The following SLFN12L variants were observed in gnomAD, a reference collection of about 807,000 sequenced individuals.
SLFN12L encodes the protein schlafen family member 12 like.
Under a neutral mutation model 34.8 loss-of-function variants are expected in SLFN12L, and 34 were observed. That is an observed-to-expected ratio of 0.98 (90% confidence interval 0.74 to 1.30). The LOEUF (loss-of-function observed/expected upper bound fraction) is 1.30, where lower values mean the gene tolerates loss of function less well. SLFN12L is among the 50% of genes most tolerant of loss of function. SLFN12L has a pLI of 0.00. For missense variants in SLFN12L, 703 were observed against 696.2 expected, an observed-to-expected ratio of 1.01 and a Z score of -0.11; for synonymous variants, 259 against 247.5, an observed-to-expected ratio of 1.05 and a Z score of -0.44.
At chr17:35,492,212 G>A (rs543863318) in intron 2 of SLFN12L, among the ~76,000 whole-genome samples, 2 of 152,298 alleles carry the variant, frequency 1.3e-5, no homozygotes, top group South Asian at 4.1e-4. Flanking sequence ...AGGTTTATCA[G>A]CTTCTGCAAG....
At chr17:35,535,983 GT>G (rs2072458274) in intron 1 of SLFN12L, among the ~76,000 whole-genome samples, 1 of 146,486 alleles carries the variant, frequency 6.8e-6, no homozygotes, top group African/African-American at 2.5e-5. Context: ...TTGTTTGTTT[GT>G]TTGTTTGTTT....
Position 35,530,512 on chromosome 17 carries a change from GAAAAGA to G in SLFN12L, c.-606+7055_-606+7060del, listed in dbSNP as rs1477169470. Among the ~76,000 whole-genome samples the G allele has an allele frequency of 5.1e-3, 170 of 33,224 alleles. 5 individuals are homozygous for G. Among genetic ancestry groups the G allele is most frequent in the African/African-American group, 0.014 (150 of 10,602 alleles). The allele number at this position is 33,224 out of a possible 152,430, so 21.8% of individuals were successfully genotyped here. A position where few individuals can be genotyped will look rare whatever the true frequency, so the allele number is the denominator to read the frequency against. Reference sequence around the variant, plus strand: ...AGAAAGAAAGAAAGAAAGAAAGAAAGAAAAGAAAAGAAAAGAAAAGAAAAGAAAAGA... The same window carrying G: ...AGAAAGAAAGAAAGAAAGAAAGAAAGAAAGAAAAGAAAAGAAAAGAAAAGA... On this transcript the variant is annotated intron_variant, in intron 1 of 4. Transcript: ENST00000628453.
chr17:35,508,115 TG>T (rs1171233065), intron 2 of SLFN12L, among the ~76,000 whole-genome samples: 1 of 152,248 alleles, frequency 6.6e-6, no homozygotes, highest in Admixed American at 6.5e-5. Context: ...TGAAAATCCC[TG>T]TCCTGTTCTG....
In SLFN12L at chr17:35,479,770, C is replaced by T. The variant is rs1201460034; in HGVS notation, c.512G>A (p.Arg171Lys). ...CATGACTTTTGCAGACGTTACATCTCTCTTGTACAAACTGGAGCTCAACGT... is the reference window on the plus strand; with the variant it reads ...CATGACTTTTGCAGACGTTACATCTTTCTTGTACAAACTGGAGCTCAACGT... Reference protein sequence around the residue: ...IATLSSSLYKRDVTSAKVMNA... With the variant: ...IATLSSSLYKKDVTSAKVMNA... The change falls in exon 3 of 5, where the codon AGA becomes AAA. Residue 171 changes from arginine (R) to lysine (K), a missense_variant. Arg to Lys is a conservative substitution (Grantham distance 26). Transcript: ENST00000628453. 6.2e-7 allele frequency: 1 copy of T among 1,613,922 alleles called. No individual in the cohort carries two copies. The highest frequency in any genetic ancestry group is 1.1e-5 in the South Asian group (1 of 91,034).
In SLFN12L at chr17:35,473,635, C is replaced by G. The variant is rs1008044017; in HGVS notation, c.*1288G>C. ...TTTCCTTTTTTTATTGTGTCCCTAC[C>G]AGGTTTTGGTATCAGGATGATACTG... is the stretch of plus-strand genomic sequence containing the variant. On this transcript the variant is annotated 3_prime_UTR_variant, in exon 5 of 5. Coordinates refer to ENST00000628453, the MANE Select transcript of SLFN12L (RefSeq NM_001363830.2). The G allele has an allele frequency of 2.6e-5, 4 of 152,020 alleles. 1 individual carries two copies. In the South Asian group the frequency reaches 8.3e-4, roughly 32 times the overall value. The allele number at this position is 152,020 out of a possible 1,614,324, so 9.4% of individuals were successfully genotyped here.
chr17:35,531,227 C>T (rs1003553961), intron 1 of SLFN12L, among the ~76,000 whole-genome samples: 1 of 152,102 alleles, frequency 6.6e-6, no homozygotes, highest in Non-Finnish European at 1.5e-5. Context: ...GGTTTTCCAT[C>T]TTTTTAGACA....
chr17:35,487,814 T>G, intron 2 of SLFN12L: 1 of 1,470,752 alleles, frequency 6.8e-7, no homozygotes, highest in Non-Finnish European at 9.2e-7. Flanking sequence ...CGTGTGCGGC[T>G]AGCCCCTCGC....
chr17:35,482,509 C>G (rs1175301864), intron 2 of SLFN12L, among the ~76,000 whole-genome samples: 4 of 152,110 alleles, frequency 2.6e-5, no homozygotes, highest in East Asian at 1.9e-4. Flanking sequence ...GCCTCCCGCT[C>G]TCTGCAGCAT....
intron 2 of SLFN12L, among the ~76,000 whole-genome samples, chr17:35,484,469 C>G (rs540996070): frequency 4.5e-4 from 69 of 152,280 alleles, no homozygotes; most frequent in African/African-American, 1.7e-3. Context: ...CTGGAATGCC[C>G]TCCTTGAAAT....
intron 2 of SLFN12L, chr17:35,500,387 A>G (rs1403294161): frequency 6.6e-6 from 1 of 152,254 alleles, no homozygotes; most frequent in African/African-American, 2.4e-5. Context: ...CAGAAATGAA[A>G]TCCACAGGCA....
chr17:35,498,707 G>GT, intron 2 of SLFN12L: 1 of 1,550,466 alleles, frequency 6.4e-7, no homozygotes, highest in South Asian at 1.2e-5. Context: ...ACAATTACGT[G>GT]GTCCATCTCC....
In SLFN12L at chr17:35,471,559, A is replaced by G. The variant is rs912650723; in HGVS notation, c.*3364T>C. Among the ~76,000 whole-genome samples, 8 of 152,286 alleles carry G rather than the reference A, an allele frequency of 5.3e-5. No homozygotes were observed. The highest frequency in any genetic ancestry group is 1.9e-4 in the African/African-American group (8 of 41,556). ...GAGGAATCGCCACACTGTCTTCCAC[A>G]ATGGTTGAACTAATTTACATTCCCA... On this transcript the variant is annotated 3_prime_UTR_variant, in exon 5 of 5. Coordinates refer to ENST00000628453, the MANE Select transcript of SLFN12L (RefSeq NM_001363830.2).
At chr17:35,500,701 C>A (rs368675474) in intron 2 of SLFN12L, among the ~76,000 whole-genome samples, 61 of 151,566 alleles carry the variant, frequency 4.0e-4, no homozygotes, top group African/African-American at 1.5e-3. Context: ...TGCACTCCAG[C>A]CTGGGTGACA....
intron 2 of SLFN12L, among the ~76,000 whole-genome samples, chr17:35,512,359 ATTTT>A (rs35126425): frequency 2.6e-4 from 14 of 53,864 alleles, no homozygotes; most frequent in Non-Finnish European, 6.6e-5. Flanking sequence ...AAAAGAGCTG[ATTTT>A]TTTTTTTTTT....
chr17:35,497,346 G>T (rs1248694265), intron 2 of SLFN12L, among the ~76,000 whole-genome samples: 2 of 151,854 alleles, frequency 1.3e-5, no homozygotes, highest in Admixed American at 1.3e-4. Flanking sequence ...AGCCGAGATC[G>T]TATCACTGCA....
chr17:35,515,764 C>T lies in SLFN12L; in HGVS notation c.86+6515G>A, dbSNP rs114162310. Among the ~76,000 whole-genome samples, 1,117 of 151,206 alleles carry T rather than the reference C, an allele frequency of 7.4e-3. 13 individuals are homozygous for T. The highest frequency in any genetic ancestry group is 0.025 in the African/African-American group (1,024 of 41,104). On this transcript the variant is annotated intron_variant, in intron 2 of 4. Transcript: ENST00000628453. Reference sequence around the variant, plus strand: ...GTTCAAGCGATTCTCCTGACCCAGCCGCATGAGTAACTGGGATTACAGGAG... The same window carrying T: ...GTTCAAGCGATTCTCCTGACCCAGCTGCATGAGTAACTGGGATTACAGGAG...
chr17:35,524,435 C>T (rs1054001409), intron 1 of SLFN12L, among the ~76,000 whole-genome samples: 2 of 152,208 alleles, frequency 1.3e-5, no homozygotes, highest in Non-Finnish European at 2.9e-5. Context: ...TTGGGAGACA[C>T]CTCCCAGCAG....
intron 2 of SLFN12L, among the ~76,000 whole-genome samples, chr17:35,492,015 T>C (rs1394564131): frequency 6.6e-6 from 1 of 152,252 alleles, no homozygotes; most frequent in Non-Finnish European, 1.5e-5. Context: ...TTGTAGCAAA[T>C]GCCTACTTAG....
chr17:35,530,293 G>T (rs2072379123), intron 1 of SLFN12L, among the ~76,000 whole-genome samples: 1 of 146,822 alleles, frequency 6.8e-6, no homozygotes, highest in African/African-American at 2.5e-5. Context: ...GTTGCAGTGA[G>T]CCAAGATTGT....
Sources: allele counts gnomAD v4.1 joint callset (sites outside exome capture counted in the v4.1 genomes callset), GRCh38; gene constraint gnomAD v4.1.1; transcripts MANE v1.5; gene names NCBI Gene and HGNC (gene_info 2026-07-23, HGNC 2026-07-21).